Variants in KIAA1549L observed in about 807,000 individuals in gnomAD.
The protein encoded by KIAA1549L is KIAA1549 like.
KIAA1549L carries 88 observed loss-of-function variants against 160.7 expected under a neutral mutation model. The ratio of observed to expected loss-of-function variants is 0.55; its 90% CI spans 0.46 to 0.65. KIAA1549L has a LOEUF of 0.65. KIAA1549L is among the 30% of genes least tolerant of loss of function. The probability of loss-of-function intolerance (pLI) is 0.00; values close to 1 mark genes in which losing one functional copy is unlikely to be tolerated. For missense variants in KIAA1549L, 2,258 were observed against 2,437.5 expected, an observed-to-expected ratio of 0.93 and a Z score of 1.55; for synonymous variants, 950 against 976.7, an observed-to-expected ratio of 0.97 and a Z score of 0.51.
intron 1 of KIAA1549L, among the ~76,000 whole-genome samples, chr11:33,476,790 C>T (rs766555962): frequency 6.6e-6 from 1 of 152,194 alleles, no homozygotes; most frequent in African/African-American, 2.4e-5. Flanking sequence ...AATAAACTCT[C>T]CTAACGTCAC....
chr11:33,626,057 A>G (rs1480502753), intron 16 of KIAA1549L, among the ~76,000 whole-genome samples: 2 of 150,602 alleles, frequency 1.3e-5, no homozygotes, highest in East Asian at 1.9e-4. Flanking sequence ...TTTGTCAAAG[A>G]TCAGATAGTT....
intron 1 of KIAA1549L, among the ~76,000 whole-genome samples, chr11:33,489,231 T>A (rs893698153): frequency 2.2e-4 from 33 of 152,076 alleles, no homozygotes; most frequent in African/African-American, 7.7e-4. Context: ...GCCAGCAGGA[T>A]TGGTTTCTGG....
Position 33,542,265 on chromosome 11 carries a change from C to T in KIAA1549L, c.702C>T (p.Pro234=). Residue 234 remains proline, a synonymous_variant, in exon 2 of 21, where the codon CCC becomes CCT. Coordinates refer to ENST00000658780, the MANE Select transcript of KIAA1549L (RefSeq NM_012194.3). ...WAGTSSISKH[P]PRSDIPPLLP... is the part of the protein sequence containing the mutation. ...GGACTTCCTCCATTTCAAAGCATCCCCCAAGGTCAGACATTCCCCCACTCC... is the reference window on the plus strand; with the variant it reads ...GGACTTCCTCCATTTCAAAGCATCCTCCAAGGTCAGACATTCCCCCACTCC... 1 of 655,050 alleles carries T rather than the reference C, an allele frequency of 1.5e-6. No homozygotes were observed. The highest frequency in any genetic ancestry group is 1.8e-5 in the African/African-American group (1 of 56,384). The allele number at this position is 655,050 out of a possible 1,614,324, so 40.6% of individuals were successfully genotyped here. A position where few individuals can be genotyped will look rare whatever the true frequency, so the allele number is the denominator to read the frequency against.
chr11:33,555,998 C>T (rs1348273698), intron 6 of KIAA1549L, among the ~76,000 whole-genome samples: 2 of 152,056 alleles, frequency 1.3e-5, no homozygotes, highest in African/African-American at 4.8e-5. Flanking sequence ...AAGAAATGAG[C>T]AAAGGACTTG....
At chr11:33,508,629 T>C (rs1230155257) in intron 1 of KIAA1549L, among the ~76,000 whole-genome samples, 1 of 152,232 alleles carries the variant, frequency 6.6e-6, no homozygotes, top group African/African-American at 2.4e-5. Context: ...ATAGTTCACA[T>C]CCACGTTCAC....
chr11:33,449,739 G>A (rs1474855067), intron 1 of KIAA1549L, among the ~76,000 whole-genome samples: 1 of 152,136 alleles, frequency 6.6e-6, no homozygotes, highest in African/African-American at 2.4e-5. Context: ...TTTGTGGGAC[G>A]CTGCCTGTGC....
At chr11:33,566,455 G>A (rs1262673557) in intron 8 of KIAA1549L, among the ~76,000 whole-genome samples, 1 of 152,208 alleles carries the variant, frequency 6.6e-6, no homozygotes, top group Non-Finnish European at 1.5e-5. Flanking sequence ...GGGGTCCTCT[G>A]GGACCTGACA....
chr11:33,475,688 G>A (rs1214620878), intron 1 of KIAA1549L, among the ~76,000 whole-genome samples: 2 of 135,294 alleles, frequency 1.5e-5, no homozygotes, highest in Non-Finnish European at 3.1e-5. Context: ...CCCTCATCTC[G>A]CTCTCTCAAA....
intron 1 of KIAA1549L, among the ~76,000 whole-genome samples, chr11:33,383,908 C>T (rs1850122314): frequency 6.6e-6 from 1 of 152,202 alleles, no homozygotes; most frequent in African/African-American, 2.4e-5. Flanking sequence ...TCTAAAATGT[C>T]ATGCAGTACA....
At chr11:33,617,858 C>T (rs528405229) in intron 15 of KIAA1549L, among the ~76,000 whole-genome samples, 67 of 145,828 alleles carry the variant, frequency 4.6e-4, no homozygotes, top group African/African-American at 1.5e-3. Context: ...GATGGATGGA[C>T]GGATGGACAG....
chr11:33,419,885 CATACATACATACATACATACAT>C (rs1486832713), intron 1 of KIAA1549L, among the ~76,000 whole-genome samples: 16 of 105,078 alleles, frequency 1.5e-4, no homozygotes, highest in African/African-American at 5.0e-4. Flanking sequence ...TACATACATA[CATACATACATACATACATACAT>C]ATATATATAT....
rs117083304 is a variant in KIAA1549L, at chr11:33,468,229, G to A, written c.239-73573G>A. 1.2e-4 allele frequency among the ~76,000 whole-genome samples: 19 copies of A among 152,300 alleles called. No homozygotes were observed. The East Asian group carries it at 3.7e-3, about 29-fold the overall frequency. On this transcript the variant is annotated intron_variant, in intron 1 of 20. Transcript: ENST00000658780. ...AGGGAACTGCTGATTTTAGCATGTT[G>A]GGAAGTTTCACAAGGGTATACATTT...
At position 33,435,782 on chromosome 11, in the gene KIAA1549L, A is replaced by ATGTGTGTGTGTGTGTGTG. The variant is rs1161737454; in HGVS notation, c.238+58894_238+58895insGTGTGTGTGTGTGTGTGT. Among the ~76,000 whole-genome samples, 29 of 21,398 alleles carry ATGTGTGTGTGTGTGTGTG rather than the reference A, an allele frequency of 1.4e-3. 2 individuals carry two copies. Among genetic ancestry groups the ATGTGTGTGTGTGTGTGTG allele is most frequent in the Admixed American group, 1.1e-3 (2 of 1,846 alleles). The allele number at this position is 21,398 out of a possible 152,430, so 14.0% of individuals were successfully genotyped here. ...AAGATATATATATATATATATATATATATATATATATATATATATATATAT... is the reference window on the plus strand; with the variant it reads ...AAGATATATATATATATATATATATATGTGTGTGTGTGTGTGTGTATATATATATATATATATATATAT... On this transcript the variant is annotated intron_variant, in intron 1 of 20. Coordinates refer to ENST00000658780, the MANE Select transcript of KIAA1549L (RefSeq NM_012194.3).
intron 1 of KIAA1549L, among the ~76,000 whole-genome samples, chr11:33,472,251 T>A (rs1205691216): frequency 6.7e-6 from 1 of 150,150 alleles, no homozygotes; most frequent in Non-Finnish European, 1.5e-5. Flanking sequence ...TAGCTAGGAC[T>A]ACAGGCACAT....
intron 1 of KIAA1549L, among the ~76,000 whole-genome samples, chr11:33,471,170 C>T (rs1374884253): frequency 6.6e-6 from 1 of 151,906 alleles, no homozygotes; most frequent in Non-Finnish European, 1.5e-5. Flanking sequence ...ACCATTACTG[C>T]CCCTCAACTT....
At position 33,451,315 on chromosome 11, in the gene KIAA1549L, G is replaced by T. The variant is rs78542312; in HGVS notation, c.238+74426G>T. ...TGAGACCCATGCACAAATAGATTTT[G>T]CAGAGTTGAAGGTGGATATTGCTTC... On this transcript the variant is annotated intron_variant, in intron 1 of 20. Coordinates refer to ENST00000658780, the MANE Select transcript of KIAA1549L (RefSeq NM_012194.3). Among the ~76,000 whole-genome samples, 9 of 152,342 alleles carry T rather than the reference G, an allele frequency of 5.9e-5. No individual in the cohort carries two copies. The East Asian group carries it at 1.7e-3, about 29-fold the overall frequency.
intron 4 of KIAA1549L, among the ~76,000 whole-genome samples, chr11:33,548,942 A>G (rs1378128148): frequency 1.3e-5 from 2 of 152,228 alleles, no homozygotes; most frequent in Admixed American, 6.5e-5. Context: ...TCTCTTTTAT[A>G]TATTTCTAAA....
intron 1 of KIAA1549L, among the ~76,000 whole-genome samples, chr11:33,420,071 A>T (rs2134101433): frequency 6.6e-6 from 1 of 152,256 alleles, no homozygotes; most frequent in African/African-American, 2.4e-5. Flanking sequence ...TTAGCTGCAT[A>T]AATTTTACAG....
At chr11:33,409,384 A>G (rs770520176) in intron 1 of KIAA1549L, among the ~76,000 whole-genome samples, 3 of 152,130 alleles carry the variant, frequency 2.0e-5, no homozygotes, top group Non-Finnish European at 4.4e-5. Context: ...TGCTATCCTG[A>G]ATATTTCTGA....
Sources: allele counts gnomAD v4.1 joint callset (sites outside exome capture counted in the v4.1 genomes callset), GRCh38; gene constraint gnomAD v4.1.1; transcripts MANE v1.5; gene names NCBI Gene and HGNC (gene_info 2026-07-23, HGNC 2026-07-21).